The following RAB3GAP2 variants were observed in gnomAD, a reference collection of about 807,000 sequenced individuals.
RAB3GAP2 encodes the protein RAB3 GTPase activating non-catalytic protein subunit 2.
RAB3GAP2 carries 87 observed loss-of-function variants against 185.3 expected under a neutral mutation model. The ratio of observed to expected loss-of-function variants is 0.47; its 90% CI spans 0.39 to 0.56. The LOEUF is 0.56. RAB3GAP2 is among the 20% of genes least tolerant of loss of function. The pLI is 0.00. For synonymous variants in RAB3GAP2, 554 were observed against 576.1 expected (o/e 0.96, Z 0.55); for missense variants, 1,492 against 1,638.2 (o/e 0.91, Z 1.54).
intron 27 of RAB3GAP2, among the ~76,000 whole-genome samples, chr1:220,163,891 G>A (rs1461404416): frequency 6.6e-6 from 1 of 151,492 alleles, no homozygotes; most frequent in East Asian, 1.9e-4. Context: ...TGTGATAGAG[G>A]TGAAAAATAC....
At position 220,164,814 on chromosome 1, in the gene RAB3GAP2, G is replaced by A. The variant is rs1558141185; in HGVS notation, c.3088-15C>T. 3.1e-6 allele frequency: 5 copies of A among 1,600,526 alleles called. No individual in the cohort carries two copies. In the East Asian group the frequency reaches 9.0e-5, roughly 29 times the overall value. ...AAACGTGCTTCCTTACATACAGGGA[G>A]AAAAAAACGAGAAAGAAAAAGAGGT... On this transcript the variant is annotated splice_polypyrimidine_tract_variant and intron_variant, in intron 26 of 34. Coordinates refer to ENST00000358951, the MANE Select transcript of RAB3GAP2 (RefSeq NM_012414.4).
Position 220,151,229 on chromosome 1 carries a change from G to A in RAB3GAP2, c.*22C>T. The A allele has an allele frequency of 6.2e-7, 1 of 1,606,528 alleles. No individual in the cohort carries two copies. The highest frequency in any genetic ancestry group is 8.5e-7 in the Non-Finnish European group (1 of 1,173,868). On this transcript the variant is annotated 3_prime_UTR_variant, in exon 35 of 35. Coordinates refer to ENST00000358951, the MANE Select transcript of RAB3GAP2 (RefSeq NM_012414.4). Reference sequence around the variant, plus strand: ...ACTTCATGTTATAATCATAATTTTAGACTATTTCCAGTAGGTAAGTGTCAT... The same window carrying A: ...ACTTCATGTTATAATCATAATTTTAAACTATTTCCAGTAGGTAAGTGTCAT...
At chr1:220,200,251 A>G (rs1658823823) in intron 9 of RAB3GAP2, among the ~76,000 whole-genome samples, 2 of 152,090 alleles carry the variant, frequency 1.3e-5, no homozygotes, top group African/African-American at 4.8e-5. Flanking sequence ...TTCAAGTCTC[A>G]GTCTGAATGT....
At position 220,157,257 on chromosome 1, in the gene RAB3GAP2, GT is replaced by G. The variant is rs1309492847; in HGVS notation, c.3555+12del. ...AACTCCAAAATAGCTCTGAAATCCT[GT>G]GAGGTACTTACCTTACTGTCAAAAA... On this transcript the variant is annotated intron_variant, in intron 31 of 34. Coordinates refer to ENST00000358951, the MANE Select transcript of RAB3GAP2 (RefSeq NM_012414.4). The G allele has an allele frequency of 6.9e-6, 11 of 1,604,820 alleles. No individual in the cohort carries two copies. Among genetic ancestry groups the G allele is most frequent in the Non-Finnish European group, 7.7e-6 (9 of 1,171,922 alleles).
At chr1:220,241,634 T>G (rs2102896496) in intron 1 of RAB3GAP2, among the ~76,000 whole-genome samples, 1 of 152,202 alleles carries the variant, frequency 6.6e-6, no homozygotes, top group African/African-American at 2.4e-5. Flanking sequence ...AAGCTGCCTC[T>G]TATATTCCTA....
At chr1:220,167,442 TG>T (rs1367453508) in intron 25 of RAB3GAP2, 43 bp from the exon 26 acceptor site, 2 of 1,613,152 alleles carry the variant, frequency 1.2e-6, no homozygotes, top group Non-Finnish European at 8.5e-7. Context: ...TTTTCCTTAA[TG>T]AACACTTGGC....
intron 1 of RAB3GAP2, chr1:220,267,806 T>C: frequency 7.1e-7 from 1 of 1,405,344 alleles, no homozygotes; most frequent in South Asian, 1.2e-5. Context: ...TATTTGCAGG[T>C]AATGGATTCT....
intron 2 of RAB3GAP2, among the ~76,000 whole-genome samples, chr1:220,225,803 T>C (rs1430976789): frequency 6.6e-6 from 1 of 152,216 alleles, no homozygotes; most frequent in Non-Finnish European, 1.5e-5. Context: ...CTTCCGCCTC[T>C]GGTCAGTCTG....
chr1:220,233,924 C>T (rs1659546878), intron 1 of RAB3GAP2, among the ~76,000 whole-genome samples: 1 of 152,160 alleles, frequency 6.6e-6, no homozygotes, highest in Non-Finnish European at 1.5e-5. Flanking sequence ...TGGTCTTGAA[C>T]TCCTGACCTC....
rs1195382266 is a variant in RAB3GAP2, at chr1:220,155,218, T to C, written c.3556-1161A>G. Among the ~76,000 whole-genome samples, 6 of 152,206 alleles carry C rather than the reference T, an allele frequency of 3.9e-5. No homozygotes were observed. In the East Asian group the frequency reaches 1.2e-3, roughly 29 times the overall value. ...CTGGGTCTAGTCCAAGGCTCACCAC[T>C]TCCATCCAGGTTGCCTTGGGTAAAT... On this transcript the variant is annotated intron_variant, in intron 31 of 34. Coordinates refer to ENST00000358951, the MANE Select transcript of RAB3GAP2 (RefSeq NM_012414.4).
At chr1:220,239,909 C>A (rs1241930928) in intron 1 of RAB3GAP2, among the ~76,000 whole-genome samples, 1 of 150,976 alleles carries the variant, frequency 6.6e-6, no homozygotes, top group Non-Finnish European at 1.5e-5. Flanking sequence ...CTTTCAACAA[C>A]CTGATTTCAT....
chr1:220,222,558 CA>C (rs913302694), intron 2 of RAB3GAP2, among the ~76,000 whole-genome samples: 25 of 152,042 alleles, frequency 1.6e-4, no homozygotes, highest in Non-Finnish European at 8.8e-5. Context: ...AAATTAATCA[CA>C]AAAAAACTAT....
intron 1 of RAB3GAP2, chr1:220,266,875 T>C (rs1660235453): frequency 6.3e-7 from 1 of 1,597,410 alleles, no homozygotes; most frequent in East Asian, 2.2e-5. Context: ...AGTCAGGGAA[T>C]GTGAATTCTC....
chr1:220,249,070 T>G (rs1202065850), intron 1 of RAB3GAP2, among the ~76,000 whole-genome samples: 1 of 152,134 alleles, frequency 6.6e-6, no homozygotes, highest in Non-Finnish European at 1.5e-5. Flanking sequence ...GTACTGGAAG[T>G]GGGGTGCTGC....
At chr1:220,255,642 T>C (rs1196246554) in intron 1 of RAB3GAP2, among the ~76,000 whole-genome samples, 2 of 152,118 alleles carry the variant, frequency 1.3e-5, no homozygotes, top group Admixed American at 6.5e-5. Flanking sequence ...CAATCACAAG[T>C]ATCAATAGCA....
chr1:220,245,638 G>C (rs987666471), intron 1 of RAB3GAP2, among the ~76,000 whole-genome samples: 3 of 151,742 alleles, frequency 2.0e-5, no homozygotes, highest in Non-Finnish European at 2.9e-5. Context: ...CAAAGCAGCC[G>C]GGAAGCCCCA....
intron 2 of RAB3GAP2, among the ~76,000 whole-genome samples, chr1:220,223,867 C>T (rs2102887373): frequency 6.6e-6 from 1 of 151,318 alleles, no homozygotes; most frequent in Non-Finnish European, 1.5e-5. Flanking sequence ...AATGTAAAAT[C>T]CAGCCTGGGC....
chr1:220,219,828 G>A (rs1006943055), intron 2 of RAB3GAP2, among the ~76,000 whole-genome samples: 1 of 152,112 alleles, frequency 6.6e-6, no homozygotes, highest in Non-Finnish European at 1.5e-5. Flanking sequence ...GATTTCCAGC[G>A]CCAGTTCCAG....
rs571910791 is a variant in RAB3GAP2 at position 220,218,931 on chromosome 1, T to C, written c.181-4952A>G. Among the ~76,000 whole-genome samples the C allele has an allele frequency of 5.3e-5, 8 of 152,148 alleles. No individual in the cohort carries two copies. In the South Asian group the frequency reaches 1.5e-3, roughly 28 times the overall value. ...TGACTAAGGCACAGTATTCAACATA[T>C]CAGATTCAATACAAGGACAAAAAGC... is the stretch of plus-strand genomic sequence containing the variant. On this transcript the variant is annotated intron_variant, in intron 2 of 34. Transcript: ENST00000358951.
Sources: allele counts gnomAD v4.1 joint callset (sites outside exome capture counted in the v4.1 genomes callset), GRCh38; gene constraint gnomAD v4.1.1; transcripts MANE v1.5; gene names NCBI Gene and HGNC (gene_info 2026-07-23, HGNC 2026-07-21).